Variants in LEKR1 observed in about 807,000 individuals in gnomAD.
LEKR1 encodes leucine, glutamate and lysine rich 1, also known as protein LEKR1.
In LEKR1, 59 loss-of-function variants were observed where a neutral mutation model predicts 72.4. The ratio of observed to expected loss-of-function variants is 0.82; its 90% CI spans 0.66 to 1.01. The LOEUF (loss-of-function observed/expected upper bound fraction) is 1.01. Ranked by LOEUF, LEKR1 falls within the 50% of genes least tolerant of loss-of-function variation. LEKR1 has a pLI of 0.00. For synonymous variants in LEKR1, 257 were observed against 263.2 expected (o/e 0.98, Z 0.23); for missense variants, 728 against 759.2 (o/e 0.96, Z 0.48).
chr3:156,878,078 C>G (rs1019287174), intron 3 of LEKR1, among the ~76,000 whole-genome samples: 3 of 151,972 alleles, frequency 2.0e-5, no homozygotes, highest in Non-Finnish European at 4.4e-5. Flanking sequence ...ACCGCACTGC[C>G]CAGCCTCATT....
At chr3:157,005,783 G>T (rs1181471181) in intron 9 of LEKR1, among the ~76,000 whole-genome samples, 1 of 151,970 alleles carries the variant, frequency 6.6e-6, no homozygotes. Context: ...ATTTGCAAAG[G>T]ATCTATATAA....
At chr3:156,935,615 T>C (rs561061982) in intron 5 of LEKR1, among the ~76,000 whole-genome samples, 92 of 152,318 alleles carry the variant, frequency 6.0e-4, no homozygotes, top group South Asian at 6.0e-3. Flanking sequence ...AAATTGAATG[T>C]AATGTTTTTA....
At chr3:156,877,319 C>T (rs552139959) in intron 3 of LEKR1, among the ~76,000 whole-genome samples, 50 of 152,026 alleles carry the variant, frequency 3.3e-4, no homozygotes, top group Non-Finnish European at 6.0e-4. Context: ...TTTGGAATTA[C>T]GGAGATACTG....
intron 3 of LEKR1, among the ~76,000 whole-genome samples, chr3:156,871,155 G>A (rs1436263701): frequency 6.6e-6 from 1 of 150,608 alleles, no homozygotes; most frequent in African/African-American, 2.5e-5. Flanking sequence ...CCCTTCTTGT[G>A]TCCATGTGTT....
chr3:156,875,072 G>T (rs1196466518), intron 3 of LEKR1, among the ~76,000 whole-genome samples: 1 of 152,184 alleles, frequency 6.6e-6, no homozygotes, highest in Non-Finnish European at 1.5e-5. Context: ...TAGATCAAAT[G>T]ATAGTTCTAT....
intron 5 of LEKR1, among the ~76,000 whole-genome samples, chr3:156,936,699 G>T (rs1725749645): frequency 6.6e-6 from 1 of 151,980 alleles, no homozygotes; most frequent in African/African-American, 2.4e-5. Context: ...ACTGATTTTT[G>T]ATAAGGACAC....
intron 2 of LEKR1, among the ~76,000 whole-genome samples, chr3:156,850,851 A>G (rs1003996118): frequency 1.3e-5 from 2 of 152,222 alleles, no homozygotes; most frequent in Admixed American, 1.3e-4. Context: ...ATAGATAGAA[A>G]GGAAATAATT....
At chr3:156,961,806 T>C (rs1335613213) in intron 6 of LEKR1, among the ~76,000 whole-genome samples, 1 of 152,204 alleles carries the variant, frequency 6.6e-6, no homozygotes, top group East Asian at 1.9e-4. Flanking sequence ...ATATGGTAGC[T>C]TTTCTTACCT....
chr3:156,980,811 A>G (rs1018930516), intron 7 of LEKR1, among the ~76,000 whole-genome samples: 1 of 152,216 alleles, frequency 6.6e-6, no homozygotes, highest in African/African-American at 2.4e-5. Flanking sequence ...GTTAGGAAAG[A>G]AGCTTAACAT....
intron 6 of LEKR1, among the ~76,000 whole-genome samples, chr3:156,951,913 T>A (rs1243848047): frequency 6.6e-6 from 1 of 151,560 alleles, no homozygotes; most frequent in Non-Finnish European, 1.5e-5. Flanking sequence ...GATTTGCTCT[T>A]TAATAGCTTA....
At chr3:156,833,411 G>A (rs1306987766) in intron 2 of LEKR1, among the ~76,000 whole-genome samples, 1 of 152,126 alleles carries the variant, frequency 6.6e-6, no homozygotes, top group Non-Finnish European at 1.5e-5. Context: ...GGCTTAAACA[G>A]CTATGGTTTA....
intron 12 of LEKR1, among the ~76,000 whole-genome samples, chr3:157,029,187 A>G (rs537255964): frequency 1.3e-5 from 2 of 152,240 alleles, no homozygotes; most frequent in South Asian, 4.1e-4. Flanking sequence ...TCGATTATTA[A>G]CAATTAAATA....
At chr3:156,919,512 C>T (rs770214535) in intron 3 of LEKR1, among the ~76,000 whole-genome samples, 7 of 152,146 alleles carry the variant, frequency 4.6e-5, no homozygotes, top group Admixed American at 4.6e-4. Context: ...GAAGAAGCAC[C>T]TTCTTTTTAT....
chr3:156,929,757 C>G (rs977016349), intron 5 of LEKR1, among the ~76,000 whole-genome samples: 4 of 152,106 alleles, frequency 2.6e-5, no homozygotes, highest in African/African-American at 9.7e-5. Flanking sequence ...TTTCTATTAC[C>G]TGGATATGGA....
intron 5 of LEKR1, among the ~76,000 whole-genome samples, chr3:156,938,302 A>G (rs1056378861): frequency 6.7e-6 from 1 of 149,456 alleles, no homozygotes; most frequent in African/African-American, 2.5e-5. Context: ...TTGAATAGGA[A>G]CTCCCTACAC....
intron 6 of LEKR1, among the ~76,000 whole-genome samples, chr3:156,968,977 C>G (rs1728889084): frequency 6.6e-6 from 1 of 152,160 alleles, no homozygotes. Flanking sequence ...GAAACTCACT[C>G]AAAACTGCTC....
chr3:156,883,221 G>A (rs1187813633), intron 3 of LEKR1, among the ~76,000 whole-genome samples: 1 of 11,826 alleles, frequency 8.5e-5, no homozygotes, highest in Non-Finnish European at 1.5e-4. Flanking sequence ...CTTGCATGGG[G>A]CCTGTAGCCC....
intron 9 of LEKR1, among the ~76,000 whole-genome samples, chr3:156,997,574 A>C (rs1412542208): frequency 6.6e-6 from 1 of 152,232 alleles, no homozygotes; most frequent in Non-Finnish European, 1.5e-5. Flanking sequence ...CCAGGCTACC[A>C]GATGTGCTCA....
chr3:156,846,224 C>A (rs1001711495), intron 2 of LEKR1, among the ~76,000 whole-genome samples: 2 of 152,060 alleles, frequency 1.3e-5, no homozygotes, highest in Admixed American at 6.6e-5. Flanking sequence ...TTGTCGATTT[C>A]TTGGGATTTT....
Sources: allele counts gnomAD v4.1 joint callset (sites outside exome capture counted in the v4.1 genomes callset), GRCh38; gene constraint gnomAD v4.1.1; transcripts MANE v1.5; gene names NCBI Gene and HGNC (gene_info 2026-07-23, HGNC 2026-07-21).